Variants in PPP2R5A observed in about 807,000 individuals in gnomAD.
PPP2R5A encodes protein phosphatase 2 regulatory subunit B'alpha.
Under a neutral mutation model 64.2 loss-of-function variants are expected in PPP2R5A, and 25 were observed. The ratio of observed to expected loss-of-function variants is 0.39; its 90% CI spans 0.28 to 0.54. The LOEUF is 0.54. Among genes scored for constraint, PPP2R5A ranks in the 20% least tolerant of loss-of-function variants. The probability of loss-of-function intolerance (pLI) is 0.67; values close to 1 mark genes in which losing one functional copy is unlikely to be tolerated. For synonymous variants in PPP2R5A, 198 were observed against 201.2 expected (o/e 0.98, Z 0.13); for missense variants, 425 against 576.3 (o/e 0.74, Z 2.69).
rs1450336837 is a variant in PPP2R5A at position 212,286,177 on chromosome 1, G to C, written c.67G>C (p.Gly23Arg). The change falls in exon 1 of 13, where the codon GGC (glycine) becomes CGC (arginine). Residue 23 changes from glycine (G) to arginine (R), a missense_variant. Gly to Arg is a moderately radical substitution (Grantham distance 125, BLOSUM62 -2). Around this residue, in one of 4 missense-constraint regions of PPP2R5A, gnomAD observed 104 missense variants for 95.7 expected, o/e 1.09. Coordinates refer to ENST00000261461, the MANE Select transcript of PPP2R5A (RefSeq NM_006243.4). ...CATCTCGGCCTCGGAGAAAGTGGAC[G>C]GCTTCACCCGGAAATCGGTCCGCAA... ...AAISASEKVD[G>R]FTRKSVRKAQ... 8.2e-6 allele frequency: 13 copies of C among 1,590,658 alleles called. No homozygotes were observed. Among genetic ancestry groups the C allele is most frequent in the Admixed American group, 3.5e-5 (2 of 57,740 alleles).
chr1:212,347,059 TTATC>T (rs1053119104), intron 5 of PPP2R5A, among the ~76,000 whole-genome samples: 1 of 152,206 alleles, frequency 6.6e-6, no homozygotes. Context: ...TTGAGGAAAC[TTATC>T]TTTCTTATTA....
intron 1 of PPP2R5A, 63 bp downstream of exon 1, chr1:212,286,354 C>A (rs938498844): frequency 5.1e-6 from 7 of 1,382,682 alleles, no homozygotes; most frequent in Non-Finnish European, 6.5e-6. Context: ...GCCTCTGCGC[C>A]AGCAGAGCCA....
At chr1:212,305,828 T>A (rs1658889439) in intron 1 of PPP2R5A, among the ~76,000 whole-genome samples, 1 of 152,148 alleles carries the variant, frequency 6.6e-6, no homozygotes, top group African/African-American at 2.4e-5. Flanking sequence ...ATAAAGAGTA[T>A]CTTTATATAA....
chr1:212,326,073 T>C (rs1172412208), intron 1 of PPP2R5A, among the ~76,000 whole-genome samples: 2 of 152,170 alleles, frequency 1.3e-5, no homozygotes, highest in Non-Finnish European at 2.9e-5. Flanking sequence ...GAATGACTAA[T>C]GGCCATTTTG....
At chr1:212,303,071 T>C (rs973021981) in intron 1 of PPP2R5A, among the ~76,000 whole-genome samples, 1 of 152,248 alleles carries the variant, frequency 6.6e-6, no homozygotes, top group African/African-American at 2.4e-5. Flanking sequence ...CAAGTTTTTG[T>C]GTGGACATAT....
intron 1 of PPP2R5A, among the ~76,000 whole-genome samples, chr1:212,294,672 C>G (rs1658661464): frequency 6.6e-6 from 1 of 152,106 alleles, no homozygotes; most frequent in Non-Finnish European, 1.5e-5. Flanking sequence ...AATGCTTTTT[C>G]TTTTAAATTT....
Position 212,357,251 on chromosome 1 carries a change from G to A in PPP2R5A, c.1193G>A (p.Ser398Asn). The A allele has an allele frequency of 6.3e-7, 1 of 1,587,624 alleles. No individual in the cohort carries two copies. Among genetic ancestry groups the A allele is most frequent in the Non-Finnish European group, 8.5e-7 (1 of 1,171,550 alleles). The change falls in exon 11 of 13, where the codon AGT becomes AAT. Residue 398 changes from serine (S) to asparagine (N), a missense_variant. Around this residue, in one of 4 missense-constraint regions of PPP2R5A, gnomAD observed 177 missense variants for 244.8 expected, o/e 0.72. Coordinates refer to ENST00000261461, the MANE Select transcript of PPP2R5A (RefSeq NM_006243.4). ...IDKILPIMFA[S>N]LYKISKEHWN... ...AAAATTCTGCCAATTATGTTTGCCA[G>A]TTTGTACAAAATTTCCAAAGAACAC...
At chr1:212,347,125 T>C (rs1659795556) in intron 5 of PPP2R5A, among the ~76,000 whole-genome samples, 1 of 152,254 alleles carries the variant, frequency 6.6e-6, no homozygotes, top group South Asian at 2.1e-4. Context: ...TCTTCACATA[T>C]GGCGAGTTTT....
chr1:212,341,161 G>A (rs1251513397), intron 3 of PPP2R5A, among the ~76,000 whole-genome samples: 1 of 152,192 alleles, frequency 6.6e-6, no homozygotes, highest in Non-Finnish European at 1.5e-5. Flanking sequence ...ATAGTGACAA[G>A]CTGAACCAAA....
chr1:212,300,459 AT>A (rs36073715), intron 1 of PPP2R5A, among the ~76,000 whole-genome samples: 80,901 of 151,886 alleles, frequency 0.53, 21,852 homozygotes, highest in South Asian at 0.62. Flanking sequence ...TTTATTTATT[AT>A]TTTTGTAAAA....
intron 8 of PPP2R5A, among the ~76,000 whole-genome samples, chr1:212,350,600 T>C (rs1232529441): frequency 6.6e-6 from 1 of 151,232 alleles, no homozygotes; most frequent in Admixed American, 6.6e-5. Flanking sequence ...GTTGCAGTGA[T>C]CTGAGCTCAT....
intron 1 of PPP2R5A, chr1:212,309,567 A>G (rs1571582809): frequency 2.8e-6 from 2 of 707,820 alleles, no homozygotes; most frequent in East Asian, 4.9e-5. Flanking sequence ...TAGTTCTTTG[A>G]ACATATATAA....
intron 8 of PPP2R5A, among the ~76,000 whole-genome samples, chr1:212,351,102 C>CACAAAAA (rs1659869470): frequency 1.9e-5 from 2 of 103,742 alleles, no homozygotes; most frequent in African/African-American, 5.2e-5. Flanking sequence ...CGAGATGACA[C>CACAAAAA]AAAAAAAAAA....
chr1:212,333,583 T>A lies in PPP2R5A; in HGVS notation c.465T>A (p.Ser155=). 6.5e-7 allele frequency: 1 copy of A among 1,549,594 alleles called. No homozygotes were observed. Among genetic ancestry groups the A allele is most frequent in the Non-Finnish European group, 8.8e-7 (1 of 1,134,076 alleles). ...PEEDEPTLEA[S]WPHIQLVYEF... ...AGGATGAACCCACGCTTGAGGCCTC[T>A]TGGCCTCACATACAGGTATGGAACA... is the stretch of plus-strand genomic sequence containing the variant. The change falls in exon 3 of 13, where the codon TCT becomes TCA. Residue 155 remains serine (S), a synonymous_variant. Transcript: ENST00000261461.
chr1:212,285,983 AGGGCCGTG>A lies in PPP2R5A; in HGVS notation c.-121_-114del, dbSNP rs1658487478. ...AAGCTCGGCGGCGTCCCGGGGCCGG[AGGGCCGTG>A]GGGCCGGGGCGCAGGGGCGCGAGCA... On this transcript the variant is annotated 5_prime_UTR_variant, in exon 1 of 13. Transcript: ENST00000261461. 2 of 954,874 alleles carry A rather than the reference AGGGCCGTG, an allele frequency of 2.1e-6. No homozygotes were observed. Among genetic ancestry groups the A allele is most frequent in the South Asian group, 2.9e-5 (1 of 34,902 alleles). 59.2% of individuals were successfully genotyped at this position (954,874 alleles called of 1,614,324 possible).
At chr1:212,308,103 C>G (rs1204087572) in intron 1 of PPP2R5A, among the ~76,000 whole-genome samples, 1 of 152,082 alleles carries the variant, frequency 6.6e-6, no homozygotes, top group Non-Finnish European at 1.5e-5. Context: ...AGCTCCCAAG[C>G]CTTCATTTTT....
chr1:212,308,831 A>T (rs1366186018), intron 1 of PPP2R5A, among the ~76,000 whole-genome samples: 1 of 151,954 alleles, frequency 6.6e-6, no homozygotes, highest in Non-Finnish European at 1.5e-5. Flanking sequence ...AAGTTCCCCA[A>T]TTCTTTCTAA....
chr1:212,355,349 C>T (rs1659960370), intron 8 of PPP2R5A, among the ~76,000 whole-genome samples: 1 of 151,910 alleles, frequency 6.6e-6, no homozygotes, highest in Non-Finnish European at 1.5e-5. Flanking sequence ...TTCTGGTATT[C>T]CTTTCCAACA....
intron 1 of PPP2R5A, among the ~76,000 whole-genome samples, chr1:212,287,978 G>T (rs1658534382): frequency 6.6e-6 from 1 of 151,990 alleles, no homozygotes; most frequent in Non-Finnish European, 1.5e-5. Context: ...ACATTTGGTT[G>T]GTTTCAAGCC....
Sources: gnomAD v4.1 joint callset for allele counts (sites outside exome capture counted in the v4.1 genomes callset) on GRCh38, gnomAD v4.1.1 for gene constraint, gnomAD v4.1.1 regional missense constraint, MANE v1.5 for transcripts, NCBI Gene and HGNC (gene_info 2026-07-23, HGNC 2026-07-21) for gene names.